Variants in CDK5RAP2 observed in about 807,000 individuals in gnomAD.
CDK5RAP2 encodes the protein CDK5 regulatory subunit associated protein 2, also known as CDK5 regulatory subunit-associated protein 2.
Under a neutral mutation model 232.9 loss-of-function variants are expected in CDK5RAP2, and 147 were observed. The observed-to-expected ratio is 0.63, with a 90% CI of 0.55 to 0.72. The LOEUF is 0.72. CDK5RAP2 is among the 30% of genes least tolerant of loss of function. The pLI, the probability that CDK5RAP2 is intolerant of heterozygous loss-of-function variation, is 0.00. For synonymous variants in CDK5RAP2, 833 were observed against 833.7 expected (o/e 1.00, Z 0.01); for missense variants, 2,195 against 2,231.5 (o/e 0.98, Z 0.33).
At position 120,444,720 on chromosome 9, in the gene CDK5RAP2, T is replaced by C. The variant is rs1289126173; in HGVS notation, c.3026-978A>G. 3.3e-5 allele frequency among the ~76,000 whole-genome samples: 5 copies of C among 152,216 alleles called. No homozygotes were observed. The East Asian group carries it at 7.7e-4, about 23-fold the overall frequency. On this transcript the variant is annotated intron_variant, in intron 22 of 37. Transcript: ENST00000349780. The stretch of plus-strand genomic sequence containing the variant: ...TAAAATCCATACAAGAAGTATCACA[T>C]ACTAGGCTTTGTGAAACAGTAAAGA...
chr9:120,410,894 G>T (rs2033806071), intron 29 of CDK5RAP2, among the ~76,000 whole-genome samples: 1 of 152,224 alleles, frequency 6.6e-6, no homozygotes, highest in African/African-American at 2.4e-5. Context: ...TGGGAGCCAA[G>T]CTCCAAATAG....
At chr9:120,402,559 C>T (rs184604092) in intron 34 of CDK5RAP2, among the ~76,000 whole-genome samples, 3 of 152,210 alleles carry the variant, frequency 2.0e-5, no homozygotes, top group African/African-American at 4.8e-5. Context: ...GTACAGAGGC[C>T]GTCATGGGAA....
intron 13 of CDK5RAP2, among the ~76,000 whole-genome samples, chr9:120,490,156 A>G (rs2038825646): frequency 6.6e-6 from 1 of 152,056 alleles, no homozygotes; most frequent in Admixed American, 6.5e-5. Flanking sequence ...CAGGCCATCC[A>G]CCTACTTTTA....
At chr9:120,429,365 G>A (rs1365685241) in intron 25 of CDK5RAP2, among the ~76,000 whole-genome samples, 1 of 152,108 alleles carries the variant, frequency 6.6e-6, no homozygotes, top group Non-Finnish European at 1.5e-5. Flanking sequence ...AAACCCCATT[G>A]TCTCAGCCCA....
At chr9:120,567,185 A>G (rs1456600666) in intron 3 of CDK5RAP2, among the ~76,000 whole-genome samples, 1 of 152,234 alleles carries the variant, frequency 6.6e-6, no homozygotes, top group Non-Finnish European at 1.5e-5. Flanking sequence ...TTGAGGCCCC[A>G]GACCCCACAG....
chr9:120,496,581 G>A (rs2039263758), intron 12 of CDK5RAP2, among the ~76,000 whole-genome samples: 1 of 150,236 alleles, frequency 6.7e-6, no homozygotes, highest in Admixed American at 6.6e-5. Context: ...CCCCCCGTCC[G>A]GCCAGCCGCC....
At chr9:120,469,486 G>T (rs1458534359) in intron 17 of CDK5RAP2, among the ~76,000 whole-genome samples, 1 of 151,984 alleles carries the variant, frequency 6.6e-6, no homozygotes, top group Non-Finnish European at 1.5e-5. Context: ...ACACATACAT[G>T]ATAATTTTAT....
rs758071474 is a variant in CDK5RAP2 at position 120,443,642 on chromosome 9, A to G, written c.3126T>C (p.Asp1042=). 4 of 1,614,112 alleles carry G rather than the reference A, an allele frequency of 2.5e-6. No individual in the cohort carries two copies. Among genetic ancestry groups the G allele is most frequent in the Non-Finnish European group, 3.4e-6 (4 of 1,180,006 alleles). Residue 1042 remains aspartate, a synonymous_variant, in exon 23 of 38, where the codon GAT becomes GAC. Coordinates refer to ENST00000349780, the MANE Select transcript of CDK5RAP2 (RefSeq NM_018249.6). ...GACCAATCTCGTAGCTTCTTTGCTG[A>G]TCACTGTCCATTTCCTTGTCTCTCC... ...SVWRDKEMDS[D]QQRSYEIDSE... is the part of the protein sequence containing the mutation.
chr9:120,439,335 C>G, intron 24 of CDK5RAP2, 64 bp downstream of exon 24: 1 of 1,339,142 alleles, frequency 7.5e-7, no homozygotes, highest in Non-Finnish European at 1.1e-6. Context: ...TCATGGGCTC[C>G]CACCTAGTGG....
At chr9:120,571,396 C>A (rs2042850883) in intron 2 of CDK5RAP2, among the ~76,000 whole-genome samples, 1 of 152,038 alleles carries the variant, frequency 6.6e-6, no homozygotes, top group Non-Finnish European at 1.5e-5. Flanking sequence ...GACGCTTAAG[C>A]ATTCACTTTT....
chr9:120,487,457 T>G lies in CDK5RAP2; in HGVS notation c.1483-20A>C. ...GAATTTCTAATGAAATAAAACAAATTCTAAGGAAATTGTCATCAAGAAAAA... is the reference window on the plus strand; with the variant it reads ...GAATTTCTAATGAAATAAAACAAATGCTAAGGAAATTGTCATCAAGAAAAA... On this transcript the variant is annotated intron_variant, in intron 13 of 37. Transcript: ENST00000349780. 1 of 1,571,720 alleles carries G rather than the reference T, an allele frequency of 6.4e-7. No individual in the cohort carries two copies. The highest frequency in any genetic ancestry group is 2.3e-5 in the East Asian group (1 of 44,412).
intron 18 of CDK5RAP2, among the ~76,000 whole-genome samples, chr9:120,461,434 T>C (rs2037081205): frequency 6.6e-6 from 1 of 152,200 alleles, no homozygotes; most frequent in Non-Finnish European, 1.5e-5. Context: ...AAAATTCTAG[T>C]CATGGGGCAC....
At chr9:120,577,246 C>T (rs145355592) in intron 1 of CDK5RAP2, among the ~76,000 whole-genome samples, 45 of 152,056 alleles carry the variant, frequency 3.0e-4, no homozygotes, top group African/African-American at 1.1e-3. Context: ...CCTGTAGTCC[C>T]GGCCACTAAG....
At chr9:120,477,649 T>C (rs951523606) in intron 14 of CDK5RAP2, among the ~76,000 whole-genome samples, 199 bp from the exon 15 acceptor site, 2 of 152,134 alleles carry the variant, frequency 1.3e-5, no homozygotes, top group African/African-American at 4.8e-5. Flanking sequence ...CCATCACTCA[T>C]CCCAGAACAA....
At chr9:120,443,811 G>A in intron 22 of CDK5RAP2, 69 bp from the exon 23 acceptor site, 1 of 1,600,838 alleles carries the variant, frequency 6.2e-7, no homozygotes, top group Non-Finnish European at 8.5e-7. Context: ...CCAAGCAACT[G>A]AGAAGAACAC....
intron 5 of CDK5RAP2, 25 bp from the exon 6 acceptor site, chr9:120,539,189 A>C (rs1360295860): frequency 3.1e-6 from 5 of 1,613,600 alleles, no homozygotes; most frequent in Non-Finnish European, 4.2e-6. Context: ...ACAGGGGTAA[A>C]ACATGCAAGG....
chr9:120,538,365 A>C (rs2041484534), intron 6 of CDK5RAP2, among the ~76,000 whole-genome samples: 1 of 152,234 alleles, frequency 6.6e-6, no homozygotes, highest in African/African-American at 2.4e-5. Flanking sequence ...ACCAAGAATT[A>C]AATAGTATTA....
chr9:120,486,269 G>A (rs896895978), intron 14 of CDK5RAP2, among the ~76,000 whole-genome samples: 1 of 152,100 alleles, frequency 6.6e-6, no homozygotes, highest in African/African-American at 2.4e-5. Context: ...TGCCCATGTT[G>A]TACCAGTTGT....
chr9:120,474,107 C>A (rs113168498), intron 15 of CDK5RAP2, among the ~76,000 whole-genome samples: 3 of 152,128 alleles, frequency 2.0e-5, no homozygotes, highest in Non-Finnish European at 4.4e-5. Flanking sequence ...GATTTCCTCA[C>A]GCAAAATGGG....
Sources: gnomAD v4.1 joint callset for allele counts (sites outside exome capture counted in the v4.1 genomes callset) on GRCh38, gnomAD v4.1.1 for gene constraint, MANE v1.5 for transcripts, NCBI Gene and HGNC (gene_info 2026-07-23, HGNC 2026-07-21) for gene names.